The following PALLD variants were observed in gnomAD, a reference collection of about 807,000 sequenced individuals.
The protein encoded by PALLD is palladin.
PALLD carries 61 observed loss-of-function variants against 123.5 expected under a neutral mutation model. The observed-to-expected ratio is 0.49, with a 90% CI of 0.40 to 0.61. The LOEUF (loss-of-function observed/expected upper bound fraction) is 0.61. Ranked by LOEUF, PALLD falls within the 20% of genes least tolerant of loss-of-function variation. PALLD has a pLI of 0.00. For missense variants in PALLD, 1,273 were observed against 1,377.0 expected, an observed-to-expected ratio of 0.92 and a Z score of 1.20; for synonymous variants, 465 against 496.4, an observed-to-expected ratio of 0.94 and a Z score of 0.84.
At chr4:168,786,345 T>C (rs1467229832) in intron 10 of PALLD, among the ~76,000 whole-genome samples, 4 of 151,940 alleles carry the variant, frequency 2.6e-5, no homozygotes, top group Non-Finnish European at 4.4e-5. Context: ...AAAAGAAGTA[T>C]ACTATTTTCA....
At chr4:168,814,060 CA>C (rs951006805) in intron 10 of PALLD, among the ~76,000 whole-genome samples, 35 of 152,052 alleles carry the variant, frequency 2.3e-4, no homozygotes, top group African/African-American at 7.0e-4. Context: ...GAAGCAACAA[CA>C]AAAAAATGTA....
At chr4:168,714,697 T>G (rs900838346) in intron 10 of PALLD, among the ~76,000 whole-genome samples, 4 of 152,184 alleles carry the variant, frequency 2.6e-5, no homozygotes, top group Admixed American at 2.0e-4. Flanking sequence ...TTTGGTGGCG[T>G]TATGGCAGTT....
rs200686148 is a variant in PALLD, at chr4:168,816,406, TATATA to T, written c.1965-74515_1965-74511del. ...GTATGTGTGTATATATATATATATA[TATATA>T]TATTTTTTTTAAGTATTAGATTGGA... On this transcript the variant is annotated intron_variant, in intron 10 of 21. Transcript: ENST00000505667. Among the ~76,000 whole-genome samples, 379 of 138,366 alleles carry T rather than the reference TATATA, an allele frequency of 2.7e-3. 2 individuals are homozygous for T. The highest frequency in any genetic ancestry group is 0.01 in the African/African-American group (356 of 35,580). 90.8% of individuals were successfully genotyped at this position (138,366 alleles called of 152,430 possible).
chr4:168,510,906 A>G (rs1430328176), intron 1 of PALLD, among the ~76,000 whole-genome samples: 1 of 152,216 alleles, frequency 6.6e-6, no homozygotes. Context: ...CTGAAATTTA[A>G]TAAGTGATTA....
At chr4:168,876,755 C>G (rs74413878) in intron 10 of PALLD, among the ~76,000 whole-genome samples, 2,819 of 152,178 alleles carry the variant, frequency 0.019, 84 homozygotes, top group African/African-American at 0.064. Flanking sequence ...AGTTTTAAAA[C>G]GTTTATTGTC....
intron 2 of PALLD, among the ~76,000 whole-genome samples, chr4:168,534,845 C>T (rs1764945969): frequency 6.6e-6 from 1 of 152,152 alleles, no homozygotes. Context: ...TACTAATTGG[C>T]TGTCTTTTAT....
At chr4:168,806,903 T>C (rs1043578397) in intron 10 of PALLD, among the ~76,000 whole-genome samples, 27 of 152,204 alleles carry the variant, frequency 1.8e-4, no homozygotes, top group African/African-American at 6.5e-4. Context: ...TGTATAAACA[T>C]GTATATGCAC....
intron 10 of PALLD, among the ~76,000 whole-genome samples, chr4:168,799,584 A>G (rs1739016442): frequency 1.3e-5 from 2 of 152,218 alleles, no homozygotes; most frequent in Non-Finnish European, 2.9e-5. Flanking sequence ...GTACCTGGCA[A>G]TTCAGTATAG....
In PALLD at chr4:168,844,947, C is replaced by T. The variant is rs1746596218; in HGVS notation, c.1965-45975C>T. 6.6e-6 allele frequency among the ~76,000 whole-genome samples: 1 copy of T among 152,080 alleles called. No homozygotes were observed. Among genetic ancestry groups the T allele is most frequent in the South Asian group, 2.1e-4 (1 of 4,816 alleles). On this transcript the variant is annotated intron_variant, in intron 10 of 21. Coordinates refer to ENST00000505667, the MANE Select transcript of PALLD (RefSeq NM_001166108.2). The surrounding 1 kb of genome is among the most constrained non-coding windows in gnomAD (Gnocchi z 4.5). The stretch of plus-strand genomic sequence containing the variant: ...TCTGTGGGTGAAACAGATTCAGTGT[C>T]CTCTGAGGAGGGACTGACCAGCTCT...
At position 168,509,441 on chromosome 4, in the gene PALLD, A is replaced by G. The variant is rs548949084; in HGVS notation, c.-82-1982A>G. ...ACTATACCTTTGCCTTTTCAAAATC[A>G]TACTTTAACTGCCTGTTTCTCATGA... On this transcript the variant is annotated intron_variant, in intron 1 of 21. Coordinates refer to ENST00000505667, the MANE Select transcript of PALLD (RefSeq NM_001166108.2). Among the ~76,000 whole-genome samples, 5 of 152,322 alleles carry G rather than the reference A, an allele frequency of 3.3e-5. No homozygotes were observed. The South Asian group carries it at 8.3e-4, about 25-fold the overall frequency.
intron 10 of PALLD, among the ~76,000 whole-genome samples, chr4:168,775,712 T>C (rs1044454785): frequency 2.6e-5 from 4 of 152,208 alleles, no homozygotes; most frequent in African/African-American, 9.7e-5. Flanking sequence ...ATTTTTTATA[T>C]GATATGAGGT....
chr4:168,683,018 C>T lies in PALLD; in HGVS notation c.1175C>T (p.Ser392Phe), dbSNP rs1180856222. Residue 392 changes from serine (S) to phenylalanine (F), a missense_variant, in exon 5 of 22, where the codon TCT becomes TTT. Around this residue, in one of 2 missense-constraint regions of PALLD, gnomAD observed 944 missense variants for 954.5 expected, o/e 0.99. Transcript: ENST00000505667. Reference sequence around the variant, plus strand: ...TCCAGAGCTCAAAAGAAAACAACTTCTGTTTCCTTGACAATAGGATCATCA... The same window carrying T: ...TCCAGAGCTCAAAAGAAAACAACTTTTGTTTCCTTGACAATAGGATCATCA... ...AMPQAQKKTT[S>F]VSLTIGSSSP... 8 of 1,608,882 alleles carry T rather than the reference C, an allele frequency of 5.0e-6. No individual in the cohort carries two copies. Among genetic ancestry groups the T allele is most frequent in the Non-Finnish European group, 6.8e-6 (8 of 1,175,350 alleles).
At chr4:168,597,667 T>TA in intron 2 of PALLD, among the ~76,000 whole-genome samples, 1 of 152,256 alleles carries the variant, frequency 6.6e-6, no homozygotes, top group Admixed American at 6.5e-5. Flanking sequence ...GAAAATTTTT[T>TA]ATTTTTGATA....
intron 2 of PALLD, among the ~76,000 whole-genome samples, chr4:168,627,090 G>A (rs1428133078): frequency 6.6e-6 from 1 of 152,192 alleles, no homozygotes; most frequent in African/African-American, 2.4e-5. Context: ...TATATTTTAT[G>A]TGTTTTTTAA....
intron 10 of PALLD, among the ~76,000 whole-genome samples, chr4:168,783,925 G>A (rs561465989): frequency 3.3e-5 from 5 of 152,262 alleles, no homozygotes; most frequent in African/African-American, 1.2e-4. Flanking sequence ...TCCCAAATGA[G>A]TGATCAGTAA....
chr4:168,699,082 AT>A (rs899166639), intron 8 of PALLD, among the ~76,000 whole-genome samples: 39 of 151,938 alleles, frequency 2.6e-4, no homozygotes, highest in African/African-American at 8.9e-4. Context: ...ATCCTTTGCA[AT>A]TTTTTTCTTT....
intron 10 of PALLD, among the ~76,000 whole-genome samples, chr4:168,836,221 C>T (rs910688896): frequency 6.6e-5 from 10 of 152,166 alleles, no homozygotes; most frequent in East Asian, 1.9e-4. Flanking sequence ...CTGCTCAATG[C>T]GCGTTAGCCC....
In PALLD at chr4:168,816,383, A is replaced by ATG. The variant is rs1554088387; in HGVS notation, c.1965-74533_1965-74532dup. Among the ~76,000 whole-genome samples, 70 of 115,300 alleles carry ATG rather than the reference A, an allele frequency of 6.1e-4. 1 individual carries two copies. The East Asian group carries it at 7.3e-3, about 12-fold the overall frequency. The allele number at this position is 115,300 out of a possible 152,430, so 75.6% of individuals were successfully genotyped here. On this transcript the variant is annotated intron_variant, in intron 10 of 21. Transcript: ENST00000505667. ...CTACTTAGACCTATGTTATATGTGTATGTGTGTATATATATATATATATAT... is the reference window on the plus strand; with the variant it reads ...CTACTTAGACCTATGTTATATGTGTATGTGTGTGTATATATATATATATATAT...
intron 2 of PALLD, among the ~76,000 whole-genome samples, chr4:168,536,967 A>G (rs946150766): frequency 1.3e-5 from 2 of 151,908 alleles, no homozygotes; most frequent in African/African-American, 4.8e-5. Context: ...AGCTGGGACT[A>G]TAGGCGCCTG....
Sources: gnomAD v4.1 joint callset for allele counts (sites outside exome capture counted in the v4.1 genomes callset) on GRCh38, gnomAD v4.1.1 for gene constraint, gnomAD v4.1.1 regional missense constraint, Gnocchi (gnomAD v3.1) non-coding constraint, MANE v1.5 for transcripts, NCBI Gene and HGNC (gene_info 2026-07-23, HGNC 2026-07-21) for gene names.